The following SKIC3 variants were observed in gnomAD, a reference collection of about 807,000 sequenced individuals.
The protein encoded by SKIC3 is SKI3 subunit of superkiller complex.
the SKIC3 span, among the ~76,000 whole-genome samples, chr5:95,510,747 T>C: frequency 6.6e-6 from 1 of 152,162 alleles, no homozygotes; most frequent in Non-Finnish European, 1.5e-5. Flanking sequence ...GGGAGACTGA[T>C]TTCGGTAATA....
the SKIC3 span, chr5:95,525,419 T>C: frequency 6.2e-7 from 1 of 1,613,980 alleles, no homozygotes; most frequent in South Asian, 1.1e-5. Flanking sequence ...TTGTAGATAG[T>C]CCTTTTTGGT....
At chr5:95,492,275 G>C in the SKIC3 span, among the ~76,000 whole-genome samples, 1 of 152,070 alleles carries the variant, frequency 6.6e-6, no homozygotes, top group South Asian at 2.1e-4. Flanking sequence ...TTAGATCTGG[G>C]TTTCAGGTCT....
chr5:95,537,746 T>C, the SKIC3 span, among the ~76,000 whole-genome samples: 4 of 152,274 alleles, frequency 2.6e-5, no homozygotes, highest in Admixed American at 2.6e-4. Context: ...ACAGCAATAC[T>C]AGAATCCAAG....
the SKIC3 span, chr5:95,509,724 T>C: frequency 7.6e-7 from 1 of 1,319,208 alleles, no homozygotes. Context: ...TAAATATGCC[T>C]ACTGATGGTA....
chr5:95,503,700 T>C, the SKIC3 span: 97 of 1,490,068 alleles, frequency 6.5e-5, 1 homozygote, highest in Admixed American at 5.2e-4. Context: ...TAGTCAGATT[T>C]TAATAAACAT....
the SKIC3 span, among the ~76,000 whole-genome samples, chr5:95,540,449 A>G: frequency 4.0e-5 from 6 of 151,836 alleles, no homozygotes; most frequent in African/African-American, 1.5e-4. Flanking sequence ...AAACTTATGA[A>G]AATTAAAAAT....
At chr5:95,503,018 T>C in the SKIC3 span, 2 of 1,613,714 alleles carry the variant, frequency 1.2e-6, no homozygotes, top group Non-Finnish European at 8.5e-7. Flanking sequence ...TACATAGAAG[T>C]GAAAACAAAC....
the SKIC3 span, among the ~76,000 whole-genome samples, chr5:95,469,558 T>C: frequency 5.8e-4 from 89 of 152,190 alleles, no homozygotes; most frequent in Non-Finnish European, 6.0e-4. Context: ...CCTATAAATA[T>C]GTATCAAATT....
At chr5:95,506,894 C>A in the SKIC3 span, 2 of 1,598,984 alleles carry the variant, frequency 1.3e-6, no homozygotes, top group Non-Finnish European at 8.6e-7. Flanking sequence ...CAGAAAAATA[C>A]AATCAATTGA....
chr5:95,553,947 C>T, the SKIC3 span, among the ~76,000 whole-genome samples: 2 of 152,208 alleles, frequency 1.3e-5, no homozygotes, highest in East Asian at 3.8e-4. Context: ...TAACTGCAGA[C>T]AGAGCATTTA....
At chr5:95,548,400 A>T in the SKIC3 span, among the ~76,000 whole-genome samples, 42 of 152,170 alleles carry the variant, frequency 2.8e-4, no homozygotes, top group Admixed American at 2.7e-3. Context: ...AAATGTTAGG[A>T]TTCAAAATAA....
At chr5:95,503,519 T>C in the SKIC3 span, among the ~76,000 whole-genome samples, 1 of 152,228 alleles carries the variant, frequency 6.6e-6, no homozygotes, top group Non-Finnish European at 1.5e-5. Context: ...GTAGTAAACA[T>C]TTGTTTTCAA....
chr5:95,509,551 C>G, the SKIC3 span: 1 of 1,419,136 alleles, frequency 7.0e-7, no homozygotes, highest in Non-Finnish European at 9.9e-7. Flanking sequence ...GAACCCTTCC[C>G]CTCATCTTCC....
chr5:95,533,287 C>CA, the SKIC3 span, among the ~76,000 whole-genome samples: 1 of 152,056 alleles, frequency 6.6e-6, no homozygotes, highest in Non-Finnish European at 1.5e-5. Context: ...GAATGAAATA[C>CA]ATTTGTTCTC....
chr5:95,495,068 A>T, the SKIC3 span: 2 of 1,589,712 alleles, frequency 1.3e-6, no homozygotes, highest in Non-Finnish European at 1.7e-6. Flanking sequence ...CTTTCATGAA[A>T]AAGAAAAAAT....
chr5:95,520,292 C>T, the SKIC3 span, among the ~76,000 whole-genome samples: 4 of 151,684 alleles, frequency 2.6e-5, no homozygotes, highest in Non-Finnish European at 2.9e-5. Context: ...TTTCCCCTTA[C>T]CTTCAAGACC....
chr5:95,511,399 C>G, the SKIC3 span, among the ~76,000 whole-genome samples: 1 of 152,112 alleles, frequency 6.6e-6, no homozygotes, highest in African/African-American at 2.4e-5. Context: ...GGTGACAGAG[C>G]GAGACTCCGT....
At chr5:95,500,666 C>A in the SKIC3 span, among the ~76,000 whole-genome samples, 1 of 152,054 alleles carries the variant, frequency 6.6e-6, no homozygotes, top group Non-Finnish European at 1.5e-5. Context: ...GTACATCTAT[C>A]GGTGAAGATT....
At chr5:95,489,947 T>C in the SKIC3 span, among the ~76,000 whole-genome samples, 3 of 152,190 alleles carry the variant, frequency 2.0e-5, no homozygotes, top group Non-Finnish European at 2.9e-5. Context: ...TTTCTTAATT[T>C]GCCCTAGTAG....
Sources: allele counts gnomAD v4.1 joint callset (sites outside exome capture counted in the v4.1 genomes callset), GRCh38; gene constraint gnomAD v4.1.1; transcripts MANE v1.5; gene names NCBI Gene and HGNC (gene_info 2026-07-23, HGNC 2026-07-21).